Variants in RGS6 observed in about 807,000 individuals in gnomAD.
RGS6 encodes regulator of G-protein signaling 6.
A neutral mutation model predicts 78.5 loss-of-function variants in RGS6; 30 were observed. The ratio of observed to expected loss-of-function variants is 0.38; its 90% confidence interval spans 0.29 to 0.52. The LOEUF (loss-of-function observed/expected upper bound fraction) is 0.52. RGS6 is among the 20% of genes least tolerant of loss of function. The pLI is 0.85. For missense variants in RGS6, 495 were observed against 609.7 expected (o/e 0.81, Z 1.98); for synonymous variants, 206 against 206.0 (o/e 1.00, Z 0.00).
At chr14:72,573,927 A>G in the RGS6 span, among the ~76,000 whole-genome samples, 1 of 152,224 alleles carries the variant, frequency 6.6e-6, no homozygotes, top group South Asian at 2.1e-4. Context: ...GCCAAGGTGA[A>G]CTCACTGAGC....
intron 3 of RGS6, among the ~76,000 whole-genome samples, chr14:72,429,885 C>A (rs2094559591): frequency 6.6e-6 from 1 of 152,166 alleles, no homozygotes; most frequent in Non-Finnish European, 1.5e-5. Flanking sequence ...ATAGTGAGTT[C>A]TCATGAGATC....
chr14:72,148,480 G>A (rs2096638610), intron 2 of RGS6, among the ~76,000 whole-genome samples: 2 of 152,214 alleles, frequency 1.3e-5, no homozygotes, highest in South Asian at 2.1e-4. Context: ...GAACACATTT[G>A]TGGTTTGCAA....
intron 3 of RGS6, among the ~76,000 whole-genome samples, chr14:72,440,564 C>T (rs2095152836): frequency 6.6e-6 from 1 of 151,990 alleles, no homozygotes; most frequent in Non-Finnish European, 1.5e-5. Flanking sequence ...AGGTACATGC[C>T]ACCATGCCCG....
intron 2 of RGS6, among the ~76,000 whole-genome samples, chr14:72,256,083 G>T (rs2153865956): frequency 6.6e-6 from 1 of 152,312 alleles, no homozygotes; most frequent in East Asian, 1.9e-4. Flanking sequence ...CAGTAGTGTT[G>T]CAGCGAGAAA....
At chr14:72,158,234 C>G (rs933189969) in intron 2 of RGS6, among the ~76,000 whole-genome samples, 7 of 152,166 alleles carry the variant, frequency 4.6e-5, no homozygotes, top group African/African-American at 1.7e-4. Flanking sequence ...CCAGGCCTTC[C>G]TCCTTGGCTT....
chr14:71,893,196 A>G, the RGS6 span, among the ~76,000 whole-genome samples: 3 of 152,258 alleles, frequency 2.0e-5, no homozygotes, highest in African/African-American at 7.2e-5. Context: ...GGCAAGTACA[A>G]CTAGAGGGAC....
intron 1 of RGS6, among the ~76,000 whole-genome samples, chr14:71,963,069 T>C (rs2093314609): frequency 6.6e-6 from 1 of 152,216 alleles, no homozygotes; most frequent in Admixed American, 6.5e-5. Flanking sequence ...ATTTGACCCT[T>C]ACCTGCGGGG....
chr14:72,387,177 C>G (rs865833544), intron 3 of RGS6, among the ~76,000 whole-genome samples: 1 of 151,854 alleles, frequency 6.6e-6, no homozygotes, highest in Non-Finnish European at 1.5e-5. Flanking sequence ...ATAAATAATA[C>G]CTTATTTGGA....
intron 3 of RGS6, among the ~76,000 whole-genome samples, chr14:72,430,147 A>G (rs2094569455): frequency 6.6e-6 from 1 of 152,202 alleles, no homozygotes; most frequent in African/African-American, 2.4e-5. Flanking sequence ...AGAAAATGCA[A>G]AGTACATATA....
At chr14:72,068,137 ATT>A (rs10691175) in intron 2 of RGS6, among the ~76,000 whole-genome samples, 70 of 145,550 alleles carry the variant, frequency 4.8e-4, no homozygotes, top group Admixed American at 3.4e-3. Context: ...GTATGTATGT[ATT>A]TTTTTTTTTT....
At chr14:72,230,466 G>GAT (rs1385357334) in intron 2 of RGS6, among the ~76,000 whole-genome samples, 1 of 152,034 alleles carries the variant, frequency 6.6e-6, no homozygotes, top group African/African-American at 2.4e-5. Context: ...ATGAGAGAGA[G>GAT]ATCACAAGGA....
At chr14:72,441,037 G>C (rs767936688) in intron 3 of RGS6, among the ~76,000 whole-genome samples, 6 of 152,172 alleles carry the variant, frequency 3.9e-5, no homozygotes, top group African/African-American at 4.8e-5. Flanking sequence ...TTGGGTGTCT[G>C]TTGCATCTAT....
intron 1 of RGS6, among the ~76,000 whole-genome samples, chr14:71,958,705 G>A (rs1169183320): frequency 6.6e-6 from 1 of 152,134 alleles, no homozygotes; most frequent in Non-Finnish European, 1.5e-5. Context: ...AGCATGGGAT[G>A]GGAGGAAGGG....
At chr14:72,341,359 C>G (rs570361757) in intron 2 of RGS6, among the ~76,000 whole-genome samples, 1 of 152,330 alleles carries the variant, frequency 6.6e-6, no homozygotes, top group East Asian at 1.9e-4. Context: ...ATGATTCACT[C>G]ACCTCCCACG....
chr14:72,232,037 C>T lies in RGS6; in HGVS notation c.85-120058C>T, dbSNP rs545573440. Among the ~76,000 whole-genome samples, 3 of 152,238 alleles carry T rather than the reference C, an allele frequency of 2.0e-5. No individual in the cohort carries two copies. In the East Asian group the frequency reaches 5.8e-4, roughly 29 times the overall value. On this transcript the variant is annotated intron_variant, in intron 2 of 17. Coordinates refer to ENST00000553525, the MANE Select transcript of RGS6 (RefSeq NM_001204424.2). ...GCTGTATGAAGGGATACTGGGAGGA[C>T]AAGGATAGAAGAAGGAGACCAGTGG...
At chr14:72,069,329 G>T (rs551949440) in intron 2 of RGS6, among the ~76,000 whole-genome samples, 2 of 152,080 alleles carry the variant, frequency 1.3e-5, no homozygotes, top group South Asian at 4.2e-4. Context: ...CTGCTAGTTT[G>T]TTATATACCC....
At chr14:72,585,303 T>C in the RGS6 span, among the ~76,000 whole-genome samples, 1 of 152,128 alleles carries the variant, frequency 6.6e-6, no homozygotes, top group Non-Finnish European at 1.5e-5. Context: ...GACAACACCA[T>C]CTACAGACTT....
At chr14:72,608,641 G>A in the RGS6 span, among the ~76,000 whole-genome samples, 6 of 152,092 alleles carry the variant, frequency 3.9e-5, no homozygotes, top group Non-Finnish European at 7.4e-5. Flanking sequence ...CTTCTCTGAG[G>A]GGTCTCCAGA....
At chr14:72,598,238 G>C in the RGS6 span, among the ~76,000 whole-genome samples, 1 of 152,174 alleles carries the variant, frequency 6.6e-6, no homozygotes, top group South Asian at 2.1e-4. Context: ...CTCCACCCCT[G>C]GCTGTCTCTA....
Sources: gnomAD v4.1 joint callset for allele counts (sites outside exome capture counted in the v4.1 genomes callset) on GRCh38, gnomAD v4.1.1 for gene constraint, MANE v1.5 for transcripts, NCBI Gene and HGNC (gene_info 2026-07-23, HGNC 2026-07-21) for gene names.